PARD3B: variants seen among roughly 807,000 people sequenced by gnomAD.
PARD3B encodes the protein partitioning defective 3 homolog B.
In PARD3B, 103 loss-of-function variants were observed where a neutral mutation model predicts 130.2. That is an observed-to-expected ratio of 0.79 (90% CI 0.67 to 0.93). The LOEUF is 0.93. Ranked by LOEUF, PARD3B falls within the 40% of genes least tolerant of loss-of-function variation. The pLI is 0.00. For missense variants in PARD3B, 1,609 were observed against 1,499.2 expected, an observed-to-expected ratio of 1.07 and a Z score of -1.21; for synonymous variants, 583 against 553.2, an observed-to-expected ratio of 1.05 and a Z score of -0.76.
chr2:205,449,347 A>G (rs113068864), intron 20 of PARD3B, among the ~76,000 whole-genome samples: 6,804 of 150,572 alleles, frequency 0.045, 532 homozygotes, highest in African/African-American at 0.16. Context: ...CTCCTGCCTC[A>G]GCCTCCCGAG....
intron 1 of PARD3B, among the ~76,000 whole-genome samples, chr2:204,651,300 G>T (rs186174536): frequency 2.0e-5 from 3 of 152,324 alleles, no homozygotes; most frequent in Non-Finnish European, 2.9e-5. Context: ...TACAATGGGG[G>T]TACAGGCATT....
intron 1 of PARD3B, among the ~76,000 whole-genome samples, 199 bp from the exon 2 acceptor site, chr2:204,685,982 G>A (rs2037057405): frequency 6.6e-6 from 1 of 152,212 alleles, no homozygotes; most frequent in Admixed American, 6.5e-5. Context: ...TGTATACCTT[G>A]ATTCTCCGAT....
intron 19 of PARD3B, among the ~76,000 whole-genome samples, chr2:205,425,138 G>T (rs1464181602): frequency 6.6e-6 from 1 of 152,142 alleles, no homozygotes; most frequent in Non-Finnish European, 1.5e-5. Flanking sequence ...TTTGTAGGGG[G>T]ACTGTCTAGG....
chr2:204,992,919 C>T (rs1260908489), intron 3 of PARD3B, among the ~76,000 whole-genome samples: 64 of 135,114 alleles, frequency 4.7e-4, no homozygotes, highest in Non-Finnish European at 8.6e-4. Flanking sequence ...GATTTTTGTA[C>T]ATTGATTTTG....
chr2:204,746,885 T>A (rs1439931734), intron 2 of PARD3B, among the ~76,000 whole-genome samples: 1 of 152,216 alleles, frequency 6.6e-6, no homozygotes, highest in African/African-American at 2.4e-5. Flanking sequence ...TAGCCCTTTG[T>A]CAGATGAGTA....
At chr2:205,298,526 T>C (rs1308238035) in intron 16 of PARD3B, among the ~76,000 whole-genome samples, 1 of 152,042 alleles carries the variant, frequency 6.6e-6, no homozygotes, top group Non-Finnish European at 1.5e-5. Flanking sequence ...TTATCTCTGT[T>C]GCATTTATTG....
At chr2:205,456,836 A>G (rs1210071625) in intron 20 of PARD3B, among the ~76,000 whole-genome samples, 2 of 149,612 alleles carry the variant, frequency 1.3e-5, no homozygotes, top group Admixed American at 1.3e-4. Flanking sequence ...TATTAAATAT[A>G]ATCATTTAAT....
At chr2:204,996,894 C>A (rs1433558473) in intron 3 of PARD3B, among the ~76,000 whole-genome samples, 1 of 150,938 alleles carries the variant, frequency 6.6e-6, no homozygotes, top group Non-Finnish European at 1.5e-5. Context: ...AACTCCCTGA[C>A]CCCTTGCGCT....
chr2:205,205,098 A>G (rs1384190305), intron 15 of PARD3B, among the ~76,000 whole-genome samples: 2 of 152,074 alleles, frequency 1.3e-5, no homozygotes, highest in East Asian at 1.9e-4. Context: ...ATGTTTTTCC[A>G]TTTGTTTGTT....
chr2:205,492,893 G>C (rs1439938283), intron 20 of PARD3B, among the ~76,000 whole-genome samples: 1 of 152,122 alleles, frequency 6.6e-6, no homozygotes, highest in African/African-American at 2.4e-5. Flanking sequence ...TGGAGAGTAT[G>C]AGTGTAAGTG....
chr2:204,899,256 C>CCCTTCCTT (rs147570066), intron 2 of PARD3B, among the ~76,000 whole-genome samples: 1 of 128,214 alleles, frequency 7.8e-6, no homozygotes, highest in African/African-American at 3.3e-5. Context: ...CTCCCTCCCT[C>CCCTTCCTT]CCTTCCTTCC....
In PARD3B at chr2:204,970,927, T is replaced by G. The variant is rs1195822775; in HGVS notation, c.394+5604T>G. On this transcript the variant is annotated intron_variant, in intron 3 of 22. Transcript: ENST00000406610. ...TGAGACTTGAAAGCTGAAAGGTGCC[T>G]CAGATGCTTTATTGTTTCCATGTGT... Among the ~76,000 whole-genome samples, 4 of 152,206 alleles carry G rather than the reference T, an allele frequency of 2.6e-5. No homozygotes were observed. In the East Asian group the frequency reaches 7.7e-4, roughly 29 times the overall value.
intron 2 of PARD3B, among the ~76,000 whole-genome samples, chr2:204,954,231 C>A (rs1690047745): frequency 1.3e-5 from 2 of 152,200 alleles, no homozygotes; most frequent in South Asian, 4.1e-4. Flanking sequence ...AGCAGCTAAA[C>A]CCACCTGTAG....
In PARD3B at chr2:205,526,124, A is replaced by G. The variant is rs547119559; in HGVS notation, c.3180+26093A>G. 9.8e-5 allele frequency among the ~76,000 whole-genome samples: 15 copies of G among 152,292 alleles called. 1 individual carries two copies. In the South Asian group the frequency reaches 3.1e-3, roughly 32 times the overall value. On this transcript the variant is annotated intron_variant, in intron 21 of 22. Coordinates refer to ENST00000406610, the MANE Select transcript of PARD3B (RefSeq NM_001302769.2). ...TTCAACTAGACCCAACTGCTTGACA[A>G]CTGGTCATGGACAATCTTGAACATA... is the stretch of plus-strand genomic sequence containing the variant.
intron 15 of PARD3B, among the ~76,000 whole-genome samples, chr2:205,200,549 TGAA>T (rs1432424784): frequency 7.9e-5 from 12 of 152,296 alleles, no homozygotes; most frequent in Admixed American, 7.8e-4. Flanking sequence ...TCTCCAGAAT[TGAA>T]GAAGATAGAA....
chr2:205,040,866 C>T (rs1368553744), intron 3 of PARD3B, among the ~76,000 whole-genome samples: 1 of 151,902 alleles, frequency 6.6e-6, no homozygotes, highest in Non-Finnish European at 1.5e-5. Context: ...CAAAGGAATC[C>T]CTTAGGGCAA....
At chr2:205,177,128 A>G (rs1479387557) in intron 13 of PARD3B, among the ~76,000 whole-genome samples, 1 of 152,194 alleles carries the variant, frequency 6.6e-6, no homozygotes, top group African/African-American at 2.4e-5. Context: ...CTGACTCCAG[A>G]TGTAAAAAAA....
intron 10 of PARD3B, among the ~76,000 whole-genome samples, chr2:205,129,288 C>A (rs2031764507): frequency 6.6e-6 from 1 of 152,226 alleles, no homozygotes; most frequent in Non-Finnish European, 1.5e-5. Flanking sequence ...AGCCCAAATG[C>A]CTGCCTCGAA....
intron 15 of PARD3B, among the ~76,000 whole-genome samples, chr2:205,197,074 T>TGTGTGTGTGTGA (rs1215097347): frequency 4.4e-4 from 63 of 143,900 alleles, no homozygotes; most frequent in Middle Eastern, 3.5e-3. Context: ...TGTGTGTGTG[T>TGTGTGTGTGTGA]GAGAGAGAGA....
Sources: allele counts gnomAD v4.1 joint callset (sites outside exome capture counted in the v4.1 genomes callset), GRCh38; gene constraint gnomAD v4.1.1; transcripts MANE v1.5; gene names NCBI Gene and HGNC (gene_info 2026-07-23, HGNC 2026-07-21).